The following ACO2 variants were observed in gnomAD, a reference collection of about 807,000 sequenced individuals.
ACO2 encodes the protein aconitase 2.
Under a neutral mutation model 84.5 loss-of-function variants are expected in ACO2, and 31 were observed. The observed-to-expected ratio is 0.37, with a 90% CI of 0.28 to 0.50. The LOEUF (loss-of-function observed/expected upper bound fraction) is 0.50. Among genes scored for constraint, ACO2 ranks in the 20% least tolerant of loss-of-function variants. The probability of loss-of-function intolerance (pLI) is 0.97; values close to 1 mark genes in which losing one functional copy is unlikely to be tolerated. For missense variants in ACO2, 685 were observed against 1,029.3 expected, an observed-to-expected ratio of 0.67 and a Z score of 4.58; for synonymous variants, 414 against 412.7, an observed-to-expected ratio of 1.00 and a Z score of -0.04.
At chr22:41,509,991 A>G (rs1569014809) in intron 3 of ACO2, among the ~76,000 whole-genome samples, 2 of 151,718 alleles carry the variant, frequency 1.3e-5, no homozygotes, top group Non-Finnish European at 1.5e-5. Context: ...ACCCACCACC[A>G]TACCTGGCTA....
Position 41,499,830 on chromosome 22 carries a change from G to A in ACO2, c.141G>A (p.Leu47=). The change falls in exon 2 of 18, where the codon CTG becomes CTA. Residue 47 remains leucine, a synonymous_variant. Transcript: ENST00000216254. ...FEPNEYIHYD[L]LEKNINIVRK... ...CCAACGAGTACATCCATTATGACCT[G>A]CTAGAGAAGAACATTAACATTGTTC... 6.2e-7 allele frequency: 1 copy of A among 1,614,158 alleles called. No homozygotes were observed. The highest frequency in any genetic ancestry group is 8.5e-7 in the Non-Finnish European group (1 of 1,180,028).
At chr22:41,495,802 C>T (rs1329287398) in intron 1 of ACO2, among the ~76,000 whole-genome samples, 2 of 150,818 alleles carry the variant, frequency 1.3e-5, no homozygotes, top group East Asian at 2.0e-4. Context: ...GGGGTTTCAC[C>T]GTGTTAGCCA....
rs761234660 is a variant in ACO2 at position 41,524,899 on chromosome 22, C to T, written c.1536C>T (p.Asp512=). The T allele has an allele frequency of 1.9e-6, 3 of 1,614,110 alleles. No individual in the cohort carries two copies. The African/African-American group carries it at 4.0e-5, about 22-fold the overall frequency. Residue 512 remains aspartate (D), a synonymous_variant, in exon 13 of 18, where the codon GAC becomes GAT. Coordinates refer to ENST00000216254, the MANE Select transcript of ACO2 (RefSeq NM_001098.3). ...AGTLKFNPET[D]YLTGTDGKKF... is the part of the protein sequence containing the mutation. ...CCCTCAAGTTCAACCCAGAGACCGA[C>T]TACCTGACGGGCACGGATGGCAAGA...
chr22:41,495,341 C>G (rs995198274), intron 1 of ACO2, among the ~76,000 whole-genome samples: 1 of 151,838 alleles, frequency 6.6e-6, no homozygotes, highest in East Asian at 2.0e-4. Context: ...CCTGTTTTGT[C>G]CTTGACAGGT....
chr22:41,486,501 T>C (rs2038158697), intron 1 of ACO2, among the ~76,000 whole-genome samples: 3 of 144,872 alleles, frequency 2.1e-5, no homozygotes, highest in African/African-American at 5.2e-5. Flanking sequence ...GACGGAGTCT[T>C]ACTCTGTCGC....
intron 1 of ACO2, among the ~76,000 whole-genome samples, chr22:41,498,333 A>G (rs2066330136): frequency 6.6e-6 from 1 of 152,154 alleles, no homozygotes; most frequent in Non-Finnish European, 1.5e-5. Context: ...AAATTAACTA[A>G]TACAGATCCC....
chr22:41,526,821 T>C (rs2066608697), intron 15 of ACO2: 2 of 299,522 alleles, frequency 6.7e-6, no homozygotes, highest in South Asian at 5.4e-5. Context: ...GATTGGACTT[T>C]TTCTGCTTTG....
In ACO2 at chr22:41,523,287, C is replaced by A; in HGVS notation, c.1370+9C>A. 6.3e-7 allele frequency: 1 copy of A among 1,599,284 alleles called. No homozygotes were observed. The highest frequency in any genetic ancestry group is 8.5e-7 in the Non-Finnish European group (1 of 1,171,902). On this transcript the variant is annotated intron_variant, in intron 11 of 17. Coordinates refer to ENST00000216254, the MANE Select transcript of ACO2 (RefSeq NM_001098.3). ...ATTGGCCAGTGGGACAGGTAAGAGGCGTATCTTTTGACAAGACAGCCCCTT... is the reference window on the plus strand; with the variant it reads ...ATTGGCCAGTGGGACAGGTAAGAGGAGTATCTTTTGACAAGACAGCCCCTT...
intron 2 of ACO2, among the ~76,000 whole-genome samples, chr22:41,503,423 C>G (rs938889324): frequency 6.6e-6 from 1 of 152,008 alleles, no homozygotes; most frequent in African/African-American, 2.4e-5. Context: ...CTCTGCCTCC[C>G]AAGTTCAAGT....
intron 1 of ACO2, among the ~76,000 whole-genome samples, chr22:41,476,534 T>A (rs1322133209): frequency 6.6e-5 from 10 of 150,490 alleles, no homozygotes; most frequent in African/African-American, 2.4e-4. Context: ...ATGGTGAAAC[T>A]CCATCTCTAC....
chr22:41,518,415 G>A, intron 7 of ACO2, 66 bp from the exon 8 acceptor site: 1 of 1,259,980 alleles, frequency 7.9e-7, no homozygotes, highest in Non-Finnish European at 1.2e-6. Flanking sequence ...TCAGGTGGGT[G>A]GTGAGTGAAC....
intron 8 of ACO2, 54 bp downstream of exon 8, chr22:41,518,626 G>A: frequency 7.2e-7 from 1 of 1,395,280 alleles, no homozygotes; most frequent in Non-Finnish European, 1.0e-6. Context: ...TGGGGAGCAG[G>A]GCGGGTCCTG....
At chr22:41,502,705 C>T (rs193129401) in intron 2 of ACO2, among the ~76,000 whole-genome samples, 11 of 152,046 alleles carry the variant, frequency 7.2e-5, no homozygotes, top group African/African-American at 2.7e-4. Context: ...ACCTCCCAGG[C>T]TCAAGCGATT....
chr22:41,477,991 G>T (rs1462624585), intron 1 of ACO2, among the ~76,000 whole-genome samples: 1 of 151,828 alleles, frequency 6.6e-6, no homozygotes, highest in Non-Finnish European at 1.5e-5. Flanking sequence ...CTTGAACTCA[G>T]GAAGCAGAGG....
intron 9 of ACO2, among the ~76,000 whole-genome samples, chr22:41,521,035 CAAAAAA>C (rs375633363): frequency 1.5e-4 from 12 of 81,636 alleles, no homozygotes; most frequent in African/African-American, 5.6e-4. Context: ...AGCCTGCCTC[CAAAAAA>C]AAAAAAAAAA....
chr22:41,470,977 A>G (rs1446325512), intron 1 of ACO2, among the ~76,000 whole-genome samples: 1 of 152,238 alleles, frequency 6.6e-6, no homozygotes, highest in Non-Finnish European at 1.5e-5. Context: ...GAAGAGAAGA[A>G]TAGTATCACA....
intron 1 of ACO2, among the ~76,000 whole-genome samples, chr22:41,476,958 G>A (rs988089929): frequency 2.6e-5 from 4 of 151,446 alleles, no homozygotes; most frequent in Admixed American, 6.6e-5. Flanking sequence ...AGACCAGCCT[G>A]GCCAACATGG....
rs1210195495 is a variant in ACO2 at position 41,495,676 on chromosome 22, A to C, written c.37-4050A>C. Among the ~76,000 whole-genome samples, 5 of 149,062 alleles carry C rather than the reference A, an allele frequency of 3.4e-5. No homozygotes were observed. The East Asian group carries it at 1.0e-3, about 30-fold the overall frequency. On this transcript the variant is annotated intron_variant, in intron 1 of 17. Coordinates refer to ENST00000216254, the MANE Select transcript of ACO2 (RefSeq NM_001098.3). ...TGCTCTGTCGTCCAGGCTGGAGTGC[A>C]GTGATGTGATCTCGGCTCACTGCAA... is the stretch of plus-strand genomic sequence containing the variant.
chr22:41,473,469 A>T (rs1235183643), intron 1 of ACO2, among the ~76,000 whole-genome samples: 1 of 152,112 alleles, frequency 6.6e-6, no homozygotes, highest in Non-Finnish European at 1.5e-5. Flanking sequence ...ACGCCATTAC[A>T]CTCCAGCCTG....
Sources: allele counts gnomAD v4.1 joint callset (sites outside exome capture counted in the v4.1 genomes callset), GRCh38; gene constraint gnomAD v4.1.1; transcripts MANE v1.5; gene names NCBI Gene and HGNC (gene_info 2026-07-23, HGNC 2026-07-21).